CFAP77: variants seen among roughly 807,000 people sequenced by gnomAD.
The protein encoded by CFAP77 is cilia- and flagella-associated protein 77.
A neutral mutation model predicts 31.1 loss-of-function variants in CFAP77; 25 were observed. The observed-to-expected ratio is 0.80, with a 90% CI of 0.59 to 1.12. The LOEUF (loss-of-function observed/expected upper bound fraction) is 1.12. Ranked by LOEUF, CFAP77 falls within the 50% of genes most tolerant of loss-of-function variation. The pLI, the probability that CFAP77 is intolerant of heterozygous loss-of-function variation, is 0.00. For missense variants in CFAP77, 377 were observed against 397.3 expected, an observed-to-expected ratio of 0.95 and a Z score of 0.44; for synonymous variants, 151 against 159.9, an observed-to-expected ratio of 0.94 and a Z score of 0.42.
Position 132,474,583 on chromosome 9 carries a change from G to C in CFAP77, c.196-24112G>C, listed in dbSNP as rs185690794. ...AAGAAAGTTCAGCCCTTAGGACCAG[G>C]GGGGGAATGCACAGATGGAGCTGCT... On this transcript the variant is annotated intron_variant, in intron 1 of 5. Transcript: ENST00000393216. Among the ~76,000 whole-genome samples the C allele has an allele frequency of 2.4e-4, 36 of 152,270 alleles. No homozygotes were observed. The East Asian group carries it at 2.9e-3, about 12-fold the overall frequency.
chr9:132,432,279 G>A (rs753676593), intron 1 of CFAP77, among the ~76,000 whole-genome samples: 8 of 152,124 alleles, frequency 5.3e-5, no homozygotes, highest in Non-Finnish European at 1.0e-4. Context: ...GAAATGTGTC[G>A]TTTCAGGGAC....
intron 3 of CFAP77, among the ~76,000 whole-genome samples, chr9:132,502,263 ATAT>A (rs138879338): frequency 0.053 from 5,449 of 103,368 alleles, 458 homozygotes; most frequent in East Asian, 0.5. Flanking sequence ...ATATATATAT[ATAT>A]TTTTTTTTTT....
rs1264039668 is a variant in CFAP77 at position 132,481,516 on chromosome 9, G to A, written c.196-17179G>A. On this transcript the variant is annotated intron_variant, in intron 1 of 5. Transcript: ENST00000393216. The surrounding 1 kb of genome is among the most constrained non-coding windows in gnomAD (Gnocchi z 5.0). ...TACCGAGCACAGTGGCTTGCACCCCGTCGGTGGCTGCTGCCCCGCTCCTGC... is the reference window on the plus strand; with the variant it reads ...TACCGAGCACAGTGGCTTGCACCCCATCGGTGGCTGCTGCCCCGCTCCTGC... Among the ~76,000 whole-genome samples the A allele has an allele frequency of 6.6e-6, 1 of 152,162 alleles. No homozygotes were observed. Among genetic ancestry groups the A allele is most frequent in the East Asian group, 1.9e-4 (1 of 5,200 alleles).
At position 132,499,255 on chromosome 9, in the gene CFAP77, G is replaced by C. The variant is rs1359382171; in HGVS notation, c.296-117G>C. ...GGCCAGGCAGGGTTGTCACCCAGTA[G>C]GCTCAGGTAAATGGGAAGGCCGAGG... On this transcript the variant is annotated intron_variant, in intron 2 of 5. Coordinates refer to ENST00000393216, the MANE Select transcript of CFAP77 (RefSeq NM_001282957.2). The surrounding 1 kb of genome is among the most constrained non-coding windows in gnomAD (Gnocchi z 5.4). 5.5e-5 allele frequency: 48 copies of C among 867,346 alleles called. No homozygotes were observed. The highest frequency in any genetic ancestry group is 8.4e-5 in the Non-Finnish European group (47 of 562,564). The allele number at this position is 867,346 out of a possible 1,614,324, so 53.7% of individuals were successfully genotyped here.
chr9:132,518,480 G>A (rs544613589), intron 3 of CFAP77, among the ~76,000 whole-genome samples: 1 of 152,170 alleles, frequency 6.6e-6, no homozygotes, highest in Non-Finnish European at 1.5e-5. Context: ...CATCACACGG[G>A]CAACTCGCTC....
At chr9:132,435,081 C>A (rs1400069989) in intron 1 of CFAP77, among the ~76,000 whole-genome samples, 1 of 152,144 alleles carries the variant, frequency 6.6e-6, no homozygotes, top group African/African-American at 2.4e-5. Flanking sequence ...TCTTCCGCCG[C>A]CTTGGAGGTG....
At chr9:132,534,820 T>A (rs546423629) in intron 3 of CFAP77, among the ~76,000 whole-genome samples, 4 of 152,296 alleles carry the variant, frequency 2.6e-5, no homozygotes, top group Non-Finnish European at 4.4e-5. Flanking sequence ...TAGAGAGTGC[T>A]GTATGATGGA....
chr9:132,513,643 A>G (rs12005531), intron 3 of CFAP77, among the ~76,000 whole-genome samples: 24,535 of 152,062 alleles, frequency 0.16, 2,066 homozygotes, highest in South Asian at 0.25. Context: ...CACTGTCTGA[A>G]TCGTCCGCCA....
At chr9:132,502,150 C>T (rs144680199) in intron 3 of CFAP77, among the ~76,000 whole-genome samples, 268 of 152,182 alleles carry the variant, frequency 1.8e-3, no homozygotes, top group Middle Eastern at 0.01. Flanking sequence ...GCATCCTGCC[C>T]GGCCCTCATT....
chr9:132,521,909 A>G (rs2015139), intron 3 of CFAP77, among the ~76,000 whole-genome samples: 43,992 of 151,332 alleles, frequency 0.29, 6,920 homozygotes, highest in East Asian at 0.69. Flanking sequence ...CTACAGGTGC[A>G]CGCCACCATG....
At chr9:132,510,064 G>A (rs1011771590) in intron 3 of CFAP77, among the ~76,000 whole-genome samples, 1 of 152,066 alleles carries the variant, frequency 6.6e-6, no homozygotes, top group Non-Finnish European at 1.5e-5. Flanking sequence ...TGACACTCGC[G>A]GCATCCCAAG....
intron 1 of CFAP77, among the ~76,000 whole-genome samples, chr9:132,437,383 C>T (rs1850519877): frequency 6.6e-6 from 1 of 152,012 alleles, no homozygotes; most frequent in African/African-American, 2.4e-5. Flanking sequence ...CGGGTTCAAA[C>T]TCGACGCAGG....
At position 132,517,028 on chromosome 9, in the gene CFAP77, T is replaced by G. The variant is rs1330452718; in HGVS notation, c.524+17428T>G. On this transcript the variant is annotated intron_variant, in intron 3 of 5. Transcript: ENST00000393216. The surrounding 1 kb of genome is among the most constrained non-coding windows in gnomAD (Gnocchi z 4.7). ...CTGCAGCACGCAGCTCGGGGCTGTG[T>G]GAGAACACGAGGGCGGTCTTCAGAA... is the stretch of plus-strand genomic sequence containing the variant. Among the ~76,000 whole-genome samples, 3 of 152,106 alleles carry G rather than the reference T, an allele frequency of 2.0e-5. No homozygotes were observed. In the East Asian group the frequency reaches 5.8e-4, roughly 29 times the overall value.
Position 132,530,298 on chromosome 9 carries a change from G to GTC in CFAP77, c.525-7291_525-7290dup, listed in dbSNP as rs199847508. 1.4e-4 allele frequency among the ~76,000 whole-genome samples: 21 copies of GTC among 149,148 alleles called. No individual in the cohort carries two copies. In the East Asian group the frequency reaches 1.6e-3, roughly 11 times the overall value. On this transcript the variant is annotated intron_variant, in intron 3 of 5. Transcript: ENST00000393216. ...TTTCTTTTTTTTTTTTTGAGACGGAGTCTCTCTCTCTCTGTCACCCATCCT... is the reference window on the plus strand; with the variant it reads ...TTTCTTTTTTTTTTTTTGAGACGGAGTCTCTCTCTCTCTCTGTCACCCATCCT...
At position 132,554,711 on chromosome 9, in the gene CFAP77, C is replaced by A. The variant is rs7859313; in HGVS notation, c.732+11664C>A. On this transcript the variant is annotated intron_variant, in intron 5 of 5. Transcript: ENST00000393216. The surrounding 1 kb of genome is among the most constrained non-coding windows in gnomAD (Gnocchi z 4.1). The stretch of plus-strand genomic sequence containing the variant: ...TCACTTGGAAGGAGACAGGGTACAA[C>A]TACTGAAGAAAGTAAAACACTTCTT... Among the ~76,000 whole-genome samples the A allele has an allele frequency of 7.1e-3, 1,081 of 152,282 alleles. 19 individuals are homozygous for A. The highest frequency in any genetic ancestry group is 0.024 in the African/African-American group (1,016 of 41,552).
rs917751831 is a variant in CFAP77 at position 132,438,546 on chromosome 9, T to A, written c.195+28080T>A. Among the ~76,000 whole-genome samples the A allele has an allele frequency of 1.1e-3, 150 of 133,578 alleles. 1 individual carries two copies. Among genetic ancestry groups the A allele is most frequent in the South Asian group, 3.9e-3 (15 of 3,850 alleles). The allele number at this position is 133,578 out of a possible 152,430, so 87.6% of individuals were successfully genotyped here. A position where few individuals can be genotyped will look rare whatever the true frequency, so the allele number is the denominator to read the frequency against. ...ATATATATATATATATATATATTTT[T>A]TTTTTTTTTTTTAGACAGGGTCTCA... On this transcript the variant is annotated intron_variant, in intron 1 of 5. Transcript: ENST00000393216.
intron 5 of CFAP77, among the ~76,000 whole-genome samples, chr9:132,561,402 C>T (rs1305225332): frequency 6.6e-6 from 1 of 151,646 alleles, no homozygotes; most frequent in Admixed American, 6.6e-5. Context: ...TGTTAGTCTC[C>T]AGACCTGGCA....
chr9:132,553,462 C>A (rs745995843), intron 5 of CFAP77, among the ~76,000 whole-genome samples: 1 of 152,204 alleles, frequency 6.6e-6, no homozygotes, highest in Non-Finnish European at 1.5e-5. Flanking sequence ...AACAAACAAA[C>A]ACCATATGCG....
intron 1 of CFAP77, among the ~76,000 whole-genome samples, chr9:132,486,192 G>A (rs1252398365): frequency 7.0e-6 from 1 of 142,712 alleles, no homozygotes; most frequent in Non-Finnish European, 1.5e-5. Flanking sequence ...TCCCGGGTTC[G>A]TGCCGTTCTC....
Sources: allele counts gnomAD v4.1 joint callset (sites outside exome capture counted in the v4.1 genomes callset), GRCh38; gene constraint gnomAD v4.1.1; non-coding constraint Gnocchi (gnomAD v3.1); transcripts MANE v1.5; gene names NCBI Gene and HGNC (gene_info 2026-07-23, HGNC 2026-07-21).